PAIP2B: variants seen among roughly 807,000 people sequenced by gnomAD.
The protein encoded by PAIP2B is poly(A) binding protein interacting protein 2B, also known as polyadenylate-binding protein-interacting protein 2B.
In PAIP2B, 13 loss-of-function variants were observed where a neutral mutation model predicts 17.0. That is an observed-to-expected ratio of 0.76 (90% CI 0.50 to 1.22). The LOEUF (loss-of-function observed/expected upper bound fraction) is 1.22, where lower values mean the gene tolerates loss of function less well. PAIP2B is among the 50% of genes most tolerant of loss of function. PAIP2B has a pLI of 0.00. For missense variants in PAIP2B, 117 were observed against 144.5 expected (o/e 0.81, Z 0.98); for synonymous variants, 43 against 48.7 (o/e 0.88, Z 0.48).
chr2:71,222,322 T>C (rs1360079343), intron 1 of PAIP2B, among the ~76,000 whole-genome samples: 3 of 152,102 alleles, frequency 2.0e-5, no homozygotes, highest in Non-Finnish European at 4.4e-5. Flanking sequence ...GGACCAGGGC[T>C]CAGTGCTTCA....
chr2:71,221,686 G>T (rs1199823763), intron 1 of PAIP2B, among the ~76,000 whole-genome samples: 1 of 152,294 alleles, frequency 6.6e-6, no homozygotes, highest in Non-Finnish European at 1.5e-5. Context: ...CTCTAGAACT[G>T]TTATACTCTC....
intron 2 of PAIP2B, 52 bp downstream of exon 2, chr2:71,202,400 C>A (rs920409845): frequency 2.6e-5 from 41 of 1,588,326 alleles, no homozygotes; most frequent in Non-Finnish European, 3.5e-5. Context: ...AATATTATAG[C>A]TGTTGAGTTA....
chr2:71,189,631 T>G (rs924315352), intron 3 of PAIP2B, among the ~76,000 whole-genome samples: 1 of 152,208 alleles, frequency 6.6e-6, no homozygotes, highest in African/African-American at 2.4e-5. Flanking sequence ...AAAAAGCCCG[T>G]GATGCTGGCA....
rs1674552614 is a variant in PAIP2B at position 71,186,748 on chromosome 2, G to C, written c.*1731C>G. 6.6e-6 allele frequency: 1 copy of C among 152,182 alleles called. No individual in the cohort carries two copies. Among genetic ancestry groups the C allele is most frequent in the South Asian group, 2.1e-4 (1 of 4,830 alleles). The allele number at this position is 152,182 out of a possible 1,614,324, so 9.4% of individuals were successfully genotyped here. On this transcript the variant is annotated 3_prime_UTR_variant, in exon 4 of 4. Coordinates refer to ENST00000244221, the MANE Select transcript of PAIP2B (RefSeq NM_020459.1). Reference sequence around the variant, plus strand: ...CATTCTCTCAACATAGAGGCTTTGGGAATTAATGTGTCTGTCTGGTAATGC... The same window carrying C: ...CATTCTCTCAACATAGAGGCTTTGGCAATTAATGTGTCTGTCTGGTAATGC...
chr2:71,212,716 A>G (rs1675332361), intron 1 of PAIP2B, among the ~76,000 whole-genome samples: 1 of 151,882 alleles, frequency 6.6e-6, no homozygotes, highest in African/African-American at 2.4e-5. Context: ...AGCCTCCCAA[A>G]GTGCTGAGAT....
chr2:71,216,136 T>G (rs558680020), intron 1 of PAIP2B, among the ~76,000 whole-genome samples: 1 of 152,330 alleles, frequency 6.6e-6, no homozygotes, highest in South Asian at 2.1e-4. Context: ...CATTACTGTT[T>G]AAAATAATCT....
chr2:71,191,623 A>G (rs1674690083), intron 2 of PAIP2B, among the ~76,000 whole-genome samples: 1 of 152,332 alleles, frequency 6.6e-6, no homozygotes, highest in Admixed American at 6.5e-5. Flanking sequence ...CATGCTGTAT[A>G]TGGCCAAGTG....
intron 1 of PAIP2B, among the ~76,000 whole-genome samples, chr2:71,215,642 C>T (rs896841545): frequency 1.3e-5 from 2 of 152,266 alleles, no homozygotes; most frequent in Admixed American, 6.5e-5. Context: ...AGCCGTGGAA[C>T]GATAGAAATT....
chr2:71,193,785 C>T (rs532678757), intron 2 of PAIP2B, among the ~76,000 whole-genome samples: 9 of 151,644 alleles, frequency 5.9e-5, no homozygotes, highest in African/African-American at 1.2e-4. Flanking sequence ...ATCCGGGAGG[C>T]GGAGCTTGCA....
At chr2:71,193,926 A>G (rs189096847) in intron 2 of PAIP2B, among the ~76,000 whole-genome samples, 410 of 152,260 alleles carry the variant, frequency 2.7e-3, no homozygotes, top group Non-Finnish European at 4.3e-3. Flanking sequence ...GTCCAGCTTC[A>G]AACTTCTGCA....
intron 1 of PAIP2B, among the ~76,000 whole-genome samples, chr2:71,222,184 C>T (rs1675599716): frequency 6.6e-6 from 1 of 152,174 alleles, no homozygotes; most frequent in Non-Finnish European, 1.5e-5. Flanking sequence ...AACCCACAGG[C>T]AGGAACCAAC....
intron 1 of PAIP2B, among the ~76,000 whole-genome samples, chr2:71,212,474 C>T (rs1250261234): frequency 6.6e-6 from 1 of 152,172 alleles, no homozygotes; most frequent in Non-Finnish European, 1.5e-5. Flanking sequence ...ATCTCATTTC[C>T]TCAGCAGGAA....
At chr2:71,219,744 A>G (rs1022923205) in intron 1 of PAIP2B, among the ~76,000 whole-genome samples, 4 of 151,104 alleles carry the variant, frequency 2.6e-5, no homozygotes, top group Non-Finnish European at 5.9e-5. Flanking sequence ...AAAAATATTT[A>G]AAATATAACT....
rs1357901075 is a variant in PAIP2B, at chr2:71,183,651, C to T, written c.*4828G>A. On this transcript the variant is annotated 3_prime_UTR_variant, in exon 4 of 4. Coordinates refer to ENST00000244221, the MANE Select transcript of PAIP2B (RefSeq NM_020459.1). The stretch of plus-strand genomic sequence containing the variant: ...ATCTGTCATGGACAAACCTCAAAAA[C>T]ATTAGCTAAGTAAAAAAGCCAGACC... 1 of 151,986 alleles carries T rather than the reference C, an allele frequency of 6.6e-6. No individual in the cohort carries two copies. The highest frequency in any genetic ancestry group is 1.5e-5 in the Non-Finnish European group (1 of 67,986). The allele number at this position is 151,986 out of a possible 1,614,324, so 9.4% of individuals were successfully genotyped here.
intron 1 of PAIP2B, among the ~76,000 whole-genome samples, chr2:71,223,289 T>C (rs1000305403): frequency 2.0e-5 from 3 of 152,106 alleles, no homozygotes; most frequent in Non-Finnish European, 4.4e-5. Flanking sequence ...GGTGTGAGCC[T>C]ATAATCCCAG....
chr2:71,211,327 TAGG>T (rs1414510526), intron 1 of PAIP2B, among the ~76,000 whole-genome samples: 3 of 152,106 alleles, frequency 2.0e-5, no homozygotes, highest in Non-Finnish European at 2.9e-5. Context: ...TTTTCAGTCT[TAGG>T]AGTATATAGA....
chr2:71,184,818 A>G lies in PAIP2B; in HGVS notation c.*3661T>C, dbSNP rs1674492588. ...TGACGTCCGCGTTATCCCAGAGGAGAGTGGCTAGGGACACTCAGTCCTTCC... is the reference window on the plus strand; with the variant it reads ...TGACGTCCGCGTTATCCCAGAGGAGGGTGGCTAGGGACACTCAGTCCTTCC... On this transcript the variant is annotated 3_prime_UTR_variant, in exon 4 of 4. Coordinates refer to ENST00000244221, the MANE Select transcript of PAIP2B (RefSeq NM_020459.1). 6.8e-6 allele frequency: 1 copy of G among 146,378 alleles called. No homozygotes were observed. Among genetic ancestry groups the G allele is most frequent in the African/African-American group, 2.6e-5 (1 of 38,940 alleles). The allele number at this position is 146,378 out of a possible 1,614,324, so 9.1% of individuals were successfully genotyped here. A position where few individuals can be genotyped will look rare whatever the true frequency, so the allele number is the denominator to read the frequency against.
At chr2:71,190,548 A>C (rs1408285477) in intron 2 of PAIP2B, among the ~76,000 whole-genome samples, 1 of 152,222 alleles carries the variant, frequency 6.6e-6, no homozygotes, top group African/African-American at 2.4e-5. Context: ...TTTCTCAACC[A>C]AATTCTATCA....
chr2:71,213,560 G>T (rs1343153543), intron 1 of PAIP2B, among the ~76,000 whole-genome samples: 1 of 152,196 alleles, frequency 6.6e-6, no homozygotes, highest in Non-Finnish European at 1.5e-5. Flanking sequence ...TACATTCAGA[G>T]TATGAAAGGC....
Sources: allele counts gnomAD v4.1 joint callset (sites outside exome capture counted in the v4.1 genomes callset), GRCh38; gene constraint gnomAD v4.1.1; transcripts MANE v1.5; gene names NCBI Gene and HGNC (gene_info 2026-07-23, HGNC 2026-07-21).